SNAP25: variants seen among roughly 807,000 people sequenced by gnomAD.
The protein encoded by SNAP25 is synaptosomal-associated protein 25.
SNAP25 carries 3 observed loss-of-function variants against 28.7 expected under a neutral mutation model. The observed-to-expected ratio is 0.10, with a 90% CI of 0.05 to 0.27. The LOEUF (loss-of-function observed/expected upper bound fraction) is 0.27. Ranked by LOEUF, SNAP25 falls within the 10% of genes least tolerant of loss-of-function variation. The probability of loss-of-function intolerance (pLI) is 1.00; values close to 1 mark genes in which losing one functional copy is unlikely to be tolerated. For synonymous variants in SNAP25, 61 were observed against 88.1 expected, an observed-to-expected ratio of 0.69 and a Z score of 1.72; for missense variants, 117 against 278.7, an observed-to-expected ratio of 0.42 and a Z score of 4.13.
intron 4 of SNAP25, among the ~76,000 whole-genome samples, chr20:10,286,114 T>C (rs950466720): frequency 6.6e-6 from 1 of 152,172 alleles, no homozygotes; most frequent in African/African-American, 2.4e-5. Flanking sequence ...CTCATAATAG[T>C]GTAAGACTAG....
At chr20:10,284,078 T>C (rs1350303581) in intron 3 of SNAP25, among the ~76,000 whole-genome samples, 1 of 152,216 alleles carries the variant, frequency 6.6e-6, no homozygotes, top group African/African-American at 2.4e-5. Flanking sequence ...GAATGTTAGA[T>C]TTCAGAATTA....
chr20:10,261,815 T>A lies in SNAP25; in HGVS notation c.-63-13614T>A, dbSNP rs903471846. ...TTGGAAAAACTATTCACAAGGATAATGAGTTCAGGATATGGGGACCCTGGC... is the reference window on the plus strand; with the variant it reads ...TTGGAAAAACTATTCACAAGGATAAAGAGTTCAGGATATGGGGACCCTGGC... On this transcript the variant is annotated intron_variant, in intron 1 of 7. Transcript: ENST00000254976. 5.3e-5 allele frequency among the ~76,000 whole-genome samples: 8 copies of A among 152,150 alleles called. No homozygotes were observed. The South Asian group carries it at 8.3e-4, about 16-fold the overall frequency.
chr20:10,287,875 T>C (rs1395480033), intron 4 of SNAP25, among the ~76,000 whole-genome samples: 1 of 152,020 alleles, frequency 6.6e-6, no homozygotes, highest in East Asian at 1.9e-4. Flanking sequence ...TGGATGAAAT[T>C]GGAAATCATC....
chr20:10,223,825 C>A lies in SNAP25; in HGVS notation c.-64+4848C>A, dbSNP rs117726009. Among the ~76,000 whole-genome samples the A allele has an allele frequency of 3.2e-4, 48 of 152,258 alleles. No homozygotes were observed. In the East Asian group the frequency reaches 9.2e-3, roughly 29 times the overall value. ...TCACAAGACTCTCAAGCACTTCACC[C>A]AATATGAAAGTCCAAGGAATTTCTG... On this transcript the variant is annotated intron_variant, in intron 1 of 7. Transcript: ENST00000254976.
intron 1 of SNAP25, among the ~76,000 whole-genome samples, chr20:10,254,488 CTCTTAGAAG>C (rs1235147374): frequency 3.3e-5 from 5 of 152,194 alleles, no homozygotes. Context: ...TCAGGGTTGG[CTCTTAGAAG>C]CAGCAAACCC....
intron 1 of SNAP25, among the ~76,000 whole-genome samples, chr20:10,239,357 CAAAT>C (rs1192338621): frequency 4.6e-5 from 7 of 152,200 alleles, no homozygotes; most frequent in South Asian, 2.1e-4. Context: ...GCTCTGAAGA[CAAAT>C]AAAGTAGGAG....
intron 1 of SNAP25, among the ~76,000 whole-genome samples, chr20:10,240,154 C>G (rs1270997308): frequency 6.6e-6 from 1 of 152,062 alleles, no homozygotes; most frequent in Non-Finnish European, 1.5e-5. Context: ...CTTGCATCAC[C>G]CTGAGGGCCC....
intron 5 of SNAP25, among the ~76,000 whole-genome samples, chr20:10,294,545 G>C (rs2123127443): frequency 6.6e-6 from 1 of 152,178 alleles, no homozygotes; most frequent in Non-Finnish European, 1.5e-5. Flanking sequence ...GTCTCACTTA[G>C]TCTCCATCCT....
intron 1 of SNAP25, among the ~76,000 whole-genome samples, chr20:10,233,100 G>C (rs186731519): frequency 9.9e-5 from 15 of 152,282 alleles, no homozygotes; most frequent in African/African-American, 3.4e-4. Flanking sequence ...GTCCACAGTG[G>C]CTGAAAATAA....
chr20:10,238,028 T>C (rs1260184599), intron 1 of SNAP25, among the ~76,000 whole-genome samples: 1 of 152,158 alleles, frequency 6.6e-6, no homozygotes, highest in Non-Finnish European at 1.5e-5. Context: ...CTTTCTTGGG[T>C]AAGTGGGCTA....
At chr20:10,251,761 G>T (rs1168989101) in intron 1 of SNAP25, among the ~76,000 whole-genome samples, 1 of 152,102 alleles carries the variant, frequency 6.6e-6, no homozygotes, top group Non-Finnish European at 1.5e-5. Flanking sequence ...TCCCCTCAAG[G>T]TTCTAGGTAA....
chr20:10,288,157 A>G (rs1309245105), intron 4 of SNAP25, among the ~76,000 whole-genome samples: 3 of 151,996 alleles, frequency 2.0e-5, no homozygotes, highest in Non-Finnish European at 4.4e-5. Context: ...CTTAAAGTAT[A>G]ATAATAATAA....
At position 10,297,047 on chromosome 20, in the gene SNAP25, G is replaced by A. The variant is rs1315869651; in HGVS notation, c.404G>A (p.Arg135His). 20 of 1,596,178 alleles carry A rather than the reference G, an allele frequency of 1.3e-5. No individual in the cohort carries two copies. The highest frequency in any genetic ancestry group is 1.4e-5 in the Non-Finnish European group (16 of 1,170,742). Reference sequence around the variant, plus strand: ...ATGGCCATCAGTGGCGGCTTCATCCGCAGGTGAGCCTCATGCAGCATACAC... The same window carrying A: ...ATGGCCATCAGTGGCGGCTTCATCCACAGGTGAGCCTCATGCAGCATACAC... ...EQMAISGGFI[R>H]RVTNDARENE... Residue 135 changes from arginine to histidine, a missense_variant, in exon 6 of 8, where the codon CGC becomes CAC. Physicochemically the swap from Arg to His is conservative, Grantham distance 29. Coordinates refer to ENST00000254976, the MANE Select transcript of SNAP25 (RefSeq NM_130811.4).
At chr20:10,290,647 CA>C (rs61495689) in intron 4 of SNAP25, among the ~76,000 whole-genome samples, 19,094 of 145,492 alleles carry the variant, frequency 0.13, 1,609 homozygotes, top group African/African-American at 0.24. Flanking sequence ...ATATTTTGGC[CA>C]AAAAAAAAAA....
intron 7 of SNAP25, among the ~76,000 whole-genome samples, chr20:10,304,324 T>C (rs1436276509): frequency 7.2e-5 from 11 of 152,192 alleles, no homozygotes; most frequent in African/African-American, 2.4e-4. Flanking sequence ...CAAAGTACAG[T>C]TGACCCTTGA....
chr20:10,222,402 T>G (rs182367235), intron 1 of SNAP25, among the ~76,000 whole-genome samples: 38 of 152,300 alleles, frequency 2.5e-4, no homozygotes, highest in African/African-American at 8.2e-4. Context: ...TTTTGGAGGT[T>G]GCAGAGAGGT....
At chr20:10,263,740 G>A (rs1005898569) in intron 1 of SNAP25, among the ~76,000 whole-genome samples, 1 of 152,142 alleles carries the variant, frequency 6.6e-6, no homozygotes, top group Non-Finnish European at 1.5e-5. Flanking sequence ...AGACCCAAAC[G>A]CAAAGGTTTC....
intron 1 of SNAP25, among the ~76,000 whole-genome samples, chr20:10,274,908 G>A (rs1450944843): frequency 6.6e-6 from 1 of 152,036 alleles, no homozygotes; most frequent in Non-Finnish European, 1.5e-5. Flanking sequence ...ATAGGGCAGG[G>A]GCCAGTGGGT....
At chr20:10,227,413 T>A (rs2062752458) in intron 1 of SNAP25, among the ~76,000 whole-genome samples, 2 of 152,128 alleles carry the variant, frequency 1.3e-5, no homozygotes, top group African/African-American at 2.4e-5. Context: ...CAGCTACCCC[T>A]TTGCAGAGAA....
Sources: gnomAD v4.1 joint callset for allele counts (sites outside exome capture counted in the v4.1 genomes callset) on GRCh38, gnomAD v4.1.1 for gene constraint, MANE v1.5 for transcripts, NCBI Gene and HGNC (gene_info 2026-07-23, HGNC 2026-07-21) for gene names.